Variants in NALCN observed in about 807,000 individuals in gnomAD.
The protein encoded by NALCN is sodium leak channel NALCN.
NALCN carries 111 observed loss-of-function variants against 225.3 expected under a neutral mutation model. The observed-to-expected ratio is 0.49, with a 90% CI of 0.42 to 0.58. The LOEUF is 0.58. Ranked by LOEUF, NALCN falls within the 20% of genes least tolerant of loss-of-function variation. The pLI is 0.00. For synonymous variants in NALCN, 764 were observed against 769.0 expected (o/e 0.99, Z 0.11); for missense variants, 1,378 against 2,202.4 (o/e 0.63, Z 7.49).
chr13:101,134,779 T>C (rs561520989), intron 17 of NALCN, among the ~76,000 whole-genome samples: 1 of 152,294 alleles, frequency 6.6e-6, no homozygotes, highest in East Asian at 1.9e-4. Flanking sequence ...TGGGGTCACT[T>C]GGTCAAATCT....
At position 101,110,668 on chromosome 13, in the gene NALCN, T is replaced by C. The variant is rs755631470; in HGVS notation, c.2315A>G (p.Asn772Ser). ...TTTTCCCCTGCTGATCCTCTGGCTG[T>C]TTGATCCATGTCTTAGTGACCTAAA... Reference protein sequence around the residue: ...QERRSLRHGSNSQRISRGKSL... With the variant: ...QERRSLRHGSSSQRISRGKSL... Residue 772 changes from asparagine to serine, a missense_variant, in exon 20 of 44, where the codon AAC (asparagine) becomes AGC (serine). Asn to Ser is a conservative substitution (Grantham distance 46, BLOSUM62 1). This residue lies in a region of NALCN where 66 missense variants were observed against 85.7 expected (regional missense o/e 0.77). Coordinates refer to ENST00000251127, the MANE Select transcript of NALCN (RefSeq NM_052867.4). 3 of 1,613,978 alleles carry C rather than the reference T, an allele frequency of 1.9e-6. No individual in the cohort carries two copies. The highest frequency in any genetic ancestry group is 2.5e-6 in the Non-Finnish European group (3 of 1,179,972).
chr13:101,121,910 AG>A (rs763903260), intron 18 of NALCN, among the ~76,000 whole-genome samples: 15 of 151,924 alleles, frequency 9.9e-5, no homozygotes, highest in Non-Finnish European at 2.1e-4. Flanking sequence ...ATTTTGTGGA[AG>A]GTTATTCGAA....
intron 11 of NALCN, among the ~76,000 whole-genome samples, chr13:101,257,061 C>A (rs2042255966): frequency 6.6e-6 from 1 of 152,172 alleles, no homozygotes; most frequent in African/African-American, 2.4e-5. Context: ...CCATACCCGA[C>A]CTTCTCTCTG....
rs35991817 is a variant in NALCN, at chr13:101,104,938, G to C, written c.2592C>G (p.Asp864Glu). 7 of 1,613,558 alleles carry C rather than the reference G, an allele frequency of 4.3e-6. No homozygotes were observed. Among genetic ancestry groups the C allele is most frequent in the Non-Finnish European group, 5.1e-6 (6 of 1,179,662 alleles). Residue 864 changes from aspartate (D) to glutamate (E), a missense_variant, in exon 23 of 44, where the codon GAC becomes GAG. Asp to Glu is a conservative substitution (Grantham distance 45, BLOSUM62 2). Transcript: ENST00000251127. The surrounding 1 kb of genome is among the most constrained non-coding windows in gnomAD (Gnocchi z 4.2). ...VRARFNASKT[D>E]PVTGAVKNTK... ...TATTTTTCACAGCTCCTGTGACAGG[G>C]TCTGTTTTAGATCTGTAAGAGAACA...
intron 7 of NALCN, among the ~76,000 whole-genome samples, chr13:101,294,582 T>G (rs1160815044): frequency 7.1e-6 from 1 of 140,972 alleles, no homozygotes; most frequent in Non-Finnish European, 1.5e-5. Flanking sequence ...TTTTTTTTTT[T>G]TAGTGAAAGC....
At chr13:101,068,073 C>T in intron 38 of NALCN, 40 bp from the exon 39 acceptor site, 1 of 1,203,816 alleles carries the variant, frequency 8.3e-7, no homozygotes, top group Non-Finnish European at 1.2e-6. Context: ...GACCATTATG[C>T]TAATCTGTCA....
chr13:101,070,168 G>A (rs914929123), intron 37 of NALCN, among the ~76,000 whole-genome samples: 4 of 149,886 alleles, frequency 2.7e-5, no homozygotes, highest in Non-Finnish European at 4.4e-5. Context: ...CTGGGCTTAC[G>A]CCATTCTCCT....
intron 17 of NALCN, among the ~76,000 whole-genome samples, chr13:101,125,851 A>G (rs558544854): frequency 1.3e-5 from 2 of 152,328 alleles, no homozygotes; most frequent in East Asian, 3.9e-4. Flanking sequence ...TTAATTTGGT[A>G]CAAACTACCT....
At chr13:101,340,609 T>C (rs2139279215) in intron 7 of NALCN, among the ~76,000 whole-genome samples, 1 of 152,306 alleles carries the variant, frequency 6.6e-6, no homozygotes, top group South Asian at 2.1e-4. Context: ...GATGGGGAAA[T>C]TGAGGCAAGA....
chr13:101,080,765 A>ATTAT (rs976614278), intron 34 of NALCN, among the ~76,000 whole-genome samples: 4 of 119,498 alleles, frequency 3.3e-5, no homozygotes, highest in Admixed American at 8.0e-5. Context: ...ATAATTAATT[A>ATTAT]TTATTTATTT....
intron 11 of NALCN, among the ~76,000 whole-genome samples, chr13:101,254,344 G>A (rs916228545): frequency 3.4e-5 from 4 of 118,640 alleles, no homozygotes; most frequent in Non-Finnish European, 4.8e-5. Context: ...CTGCACTCTA[G>A]CCTGAGCAAC....
chr13:101,405,243 T>C (rs1398486432), intron 1 of NALCN, among the ~76,000 whole-genome samples: 11 of 152,202 alleles, frequency 7.2e-5, no homozygotes, highest in Non-Finnish European at 2.9e-5. Flanking sequence ...TTCTGTAAAG[T>C]TTGACTGTCA....
At chr13:101,265,087 G>A (rs1310671165) in intron 10 of NALCN, among the ~76,000 whole-genome samples, 1 of 152,152 alleles carries the variant, frequency 6.6e-6, no homozygotes, top group East Asian at 1.9e-4. Context: ...AGAGTTCTAA[G>A]AGAATACATG....
chr13:101,082,362 T>C (rs891844459), intron 33 of NALCN, among the ~76,000 whole-genome samples: 1 of 152,182 alleles, frequency 6.6e-6, no homozygotes, highest in Non-Finnish European at 1.5e-5. Context: ...CAAAAGGCCA[T>C]AGATTTTGGG....
At chr13:101,361,528 T>A (rs1167767143) in intron 6 of NALCN, among the ~76,000 whole-genome samples, 12 of 152,194 alleles carry the variant, frequency 7.9e-5, no homozygotes, top group Non-Finnish European at 1.5e-5. Flanking sequence ...AGGAAGGTTA[T>A]CTCATACACT....
At chr13:101,127,957 C>T (rs893057639) in intron 17 of NALCN, among the ~76,000 whole-genome samples, 31 of 152,096 alleles carry the variant, frequency 2.0e-4, no homozygotes, top group African/African-American at 6.8e-4. Context: ...TCTTCTGGCT[C>T]TAGAAGATAC....
At chr13:101,377,930 A>C (rs1250633929) in intron 4 of NALCN, among the ~76,000 whole-genome samples, 1 of 152,154 alleles carries the variant, frequency 6.6e-6, no homozygotes, top group Admixed American at 6.5e-5. Flanking sequence ...TTATTTTCCA[A>C]TCAAATCTGT....
intron 13 of NALCN, among the ~76,000 whole-genome samples, chr13:101,214,216 G>A (rs1171527422): frequency 6.9e-6 from 1 of 144,690 alleles, no homozygotes; most frequent in Admixed American, 7.3e-5. Flanking sequence ...AACACTGCAT[G>A]TTCTCACTGA....
At chr13:101,320,523 T>A (rs1202565082) in intron 7 of NALCN, among the ~76,000 whole-genome samples, 2 of 152,206 alleles carry the variant, frequency 1.3e-5, no homozygotes, top group East Asian at 3.8e-4. Flanking sequence ...GTGCTATTAT[T>A]TGCAGTGCCA....
Sources: allele counts gnomAD v4.1 joint callset (sites outside exome capture counted in the v4.1 genomes callset), GRCh38; gene constraint gnomAD v4.1.1; regional missense constraint gnomAD v4.1.1; non-coding constraint Gnocchi (gnomAD v3.1); transcripts MANE v1.5; gene names NCBI Gene and HGNC (gene_info 2026-07-23, HGNC 2026-07-21).